The following TSPO2 variants were observed in gnomAD, a reference collection of about 807,000 sequenced individuals.
TSPO2 encodes benzodiazapine receptor (peripheral)-like 1.
A neutral mutation model predicts 13.3 loss-of-function variants in TSPO2; 15 were observed. The ratio of observed to expected loss-of-function variants is 1.13; its 90% CI spans 0.75 to 1.73. The LOEUF (loss-of-function observed/expected upper bound fraction) is 1.73, where lower values mean the gene tolerates loss of function less well. Ranked by LOEUF, TSPO2 falls within the 40% of genes most tolerant of loss-of-function variation. The pLI, the probability that TSPO2 is intolerant of heterozygous loss-of-function variation, is 0.00. For missense variants in TSPO2, 202 were observed against 198.3 expected (o/e 1.02, Z -0.11); for synonymous variants, 81 against 91.6 (o/e 0.88, Z 0.66).
At chr6:41,041,872 G>C (rs1762593267), upstream of TSPO2, among the ~76,000 whole-genome samples, 1 of 152,174 alleles carries the variant, frequency 6.6e-6, no homozygotes, top group South Asian at 2.1e-4. Context: ...CTACTAGGGA[G>C]GCTGAGACAG....
chr6:41,044,211 G>T lies in TSPO2; in HGVS notation c.*74G>T. ...TCTGCAAGCAGGGCTGTGGAGTTAG[G>T]GTTCACCCCAATGGGACCACCCTCC... On this transcript the variant is annotated 3_prime_UTR_variant, in exon 4 of 4. Transcript: ENST00000373161. 1 of 1,536,870 alleles carries T rather than the reference G, an allele frequency of 6.5e-7. No homozygotes were observed. The highest frequency in any genetic ancestry group is 8.9e-7 in the Non-Finnish European group (1 of 1,118,528).
In TSPO2 at chr6:41,043,919, A is replaced by AC. The variant is rs199825098; in HGVS notation, c.316-16dup. The AC allele has an allele frequency of 3.4e-3, 5,409 of 1,607,124 alleles. 122 individuals are homozygous for AC. In the African/African-American group the frequency reaches 0.055, roughly 16 times the overall value. On this transcript the variant is annotated intron_variant, in intron 3 of 3. Coordinates refer to ENST00000373161, the MANE Select transcript of TSPO2 (RefSeq NM_001010873.3). ...GTGCTGGTTCTCGGGCAGCCAGCTG[A>AC]CCCCCGGCCTCTATGCCCAGGCCCT...
rs1238848244 is a variant in TSPO2, at chr6:41,043,921, C to T, written c.316-19C>T. 2 of 1,608,792 alleles carry T rather than the reference C, an allele frequency of 1.2e-6. No homozygotes were observed. Among genetic ancestry groups the T allele is most frequent in the Non-Finnish European group, 1.7e-6 (2 of 1,177,968 alleles). On this transcript the variant is annotated intron_variant, in intron 3 of 3. Coordinates refer to ENST00000373161, the MANE Select transcript of TSPO2 (RefSeq NM_001010873.3). ...GCTGGTTCTCGGGCAGCCAGCTGAC[C>T]CCCGGCCTCTATGCCCAGGCCCTGC...
chr6:41,043,838 C>A, intron 3 of TSPO2, 102 bp from the exon 4 acceptor site: 1 of 1,528,116 alleles, frequency 6.5e-7, no homozygotes, highest in Non-Finnish European at 8.9e-7. Context: ...CCATGGTGTG[C>A]ACAGAGCCCC....
At chr6:41,043,526 A>G (rs745516798) in intron 2 of TSPO2, 31 bp from the exon 3 acceptor site, 3 of 1,548,246 alleles carry the variant, frequency 1.9e-6, no homozygotes, top group Non-Finnish European at 2.6e-6. Context: ...ACCTCCTCCC[A>G]CTGAATGTTT....
At position 41,044,182 on chromosome 6, in the gene TSPO2, A is replaced by G; in HGVS notation, c.*45A>G. 1 of 1,602,904 alleles carries G rather than the reference A, an allele frequency of 6.2e-7. No individual in the cohort carries two copies. Among genetic ancestry groups the G allele is most frequent in the South Asian group, 1.1e-5 (1 of 90,250 alleles). On this transcript the variant is annotated 3_prime_UTR_variant, in exon 4 of 4. Coordinates refer to ENST00000373161, the MANE Select transcript of TSPO2 (RefSeq NM_001010873.3). ...GGAGGGACGCCCAGGGTGGGGAGGAAGAGTCTGCAAGCAGGGCTGTGGAGT... is the reference window on the plus strand; with the variant it reads ...GGAGGGACGCCCAGGGTGGGGAGGAGGAGTCTGCAAGCAGGGCTGTGGAGT...
In TSPO2 at chr6:41,043,063, CAT is replaced by C. The variant is rs775297503; in HGVS notation, c.79_80del (p.Met27ValfsTer5). 1.1e-5 allele frequency: 18 copies of C among 1,614,164 alleles called. No homozygotes were observed. Among genetic ancestry groups the C allele is most frequent in the East Asian group, 8.9e-5 (4 of 44,874 alleles). On this transcript the variant is annotated frameshift_variant, in exon 2 of 4. Transcript: ENST00000373161. LOFTEE classifies it high-confidence loss of function. ...ILVWLFTRDH[M>X]SGWCEGPRML... is the part of the protein sequence containing the mutation. ...TGGTCTGGCTGTTCACTCGTGATCA[CAT>C]GTCTGGTTGGTGTGAGGGCCCGAGG...
chr6:41,043,842 G>T, intron 3 of TSPO2, 98 bp from the exon 4 acceptor site: 4 of 1,532,592 alleles, frequency 2.6e-6, no homozygotes, highest in South Asian at 2.3e-5. Context: ...GGTGTGCACA[G>T]AGCCCCAGGG....
Position 41,044,178 on chromosome 6 carries a change from AG to A in TSPO2, c.*43del. 2 of 1,607,134 alleles carry A rather than the reference AG, an allele frequency of 1.2e-6. No individual in the cohort carries two copies. The highest frequency in any genetic ancestry group is 1.7e-6 in the Non-Finnish European group (2 of 1,174,606). ...GAGAGGAGGGACGCCCAGGGTGGGG[AG>A]GAAGAGTCTGCAAGCAGGGCTGTGG... On this transcript the variant is annotated 3_prime_UTR_variant, in exon 4 of 4. Transcript: ENST00000373161.
In TSPO2 at chr6:41,043,953, T is replaced by C; in HGVS notation, c.329T>C (p.Leu110Pro). The change falls in exon 4 of 4, where the codon CTG becomes CCG. Residue 110 changes from leucine (L) to proline (P), a missense_variant. By Grantham distance (98) the Leu-to-Pro change is moderately conservative. Transcript: ENST00000373161. Reference sequence around the variant, plus strand: ...CTCTATGCCCAGGCCCTGCTGCACCTGCTGCTGCTGTATGGGCTGGTGGTG... The same window carrying C: ...CTCTATGCCCAGGCCCTGCTGCACCCGCTGCTGCTGTATGGGCTGGTGGTG... ...VHNPGLALLH[L>P]LLLYGLVVST... 1 of 1,613,070 alleles carries C rather than the reference T, an allele frequency of 6.2e-7. No homozygotes were observed. The highest frequency in any genetic ancestry group is 8.5e-7 in the Non-Finnish European group (1 of 1,179,538).
Position 41,043,925 on chromosome 6 carries a change from G to C in TSPO2, c.316-15G>C, listed in dbSNP as rs371784812. ...GTTCTCGGGCAGCCAGCTGACCCCCGGCCTCTATGCCCAGGCCCTGCTGCA... is the reference window on the plus strand; with the variant it reads ...GTTCTCGGGCAGCCAGCTGACCCCCCGCCTCTATGCCCAGGCCCTGCTGCA... On this transcript the variant is annotated splice_polypyrimidine_tract_variant and intron_variant, in intron 3 of 3. Coordinates refer to ENST00000373161, the MANE Select transcript of TSPO2 (RefSeq NM_001010873.3). 26 of 1,610,000 alleles carry C rather than the reference G, an allele frequency of 1.6e-5. No individual in the cohort carries two copies. Among genetic ancestry groups the C allele is most frequent in the South Asian group, 2.2e-5 (2 of 90,458 alleles).
In TSPO2 at chr6:41,042,519, C is replaced by T; in HGVS notation, c.-280C>T. On this transcript the variant is annotated 5_prime_UTR_variant, in exon 1 of 4. Transcript: ENST00000373161. Reference sequence around the variant, plus strand: ...AAAGAGTCCCCAGGAATTTCTGGCTCCTGCCTTCAGATTGTGAACTTTCCA... The same window carrying T: ...AAAGAGTCCCCAGGAATTTCTGGCTTCTGCCTTCAGATTGTGAACTTTCCA... 2.9e-6 allele frequency: 1 copy of T among 347,444 alleles called. No individual in the cohort carries two copies. Among genetic ancestry groups the T allele is most frequent in the East Asian group, 7.4e-5 (1 of 13,506 alleles). 21.5% of individuals were successfully genotyped at this position (347,444 alleles called of 1,614,324 possible).
At chr6:41,043,349 A>G (rs1354332312) in intron 2 of TSPO2, among the ~76,000 whole-genome samples, 191 bp downstream of exon 2, 2 of 151,654 alleles carry the variant, frequency 1.3e-5, no homozygotes, top group East Asian at 3.9e-4. Flanking sequence ...CCCTTCTTCC[A>G]CCCTCTCTAA....
chr6:41,041,657 C>A (rs1470765652), upstream of TSPO2, among the ~76,000 whole-genome samples: 1 of 150,460 alleles, frequency 6.6e-6, no homozygotes, highest in Non-Finnish European at 1.5e-5. Context: ...CCTCCAGGAC[C>A]AGTGTCCCTG....
In TSPO2 at chr6:41,043,037, C is replaced by G. The variant is rs145309402; in HGVS notation, c.52C>G (p.Leu18Val). Residue 18 changes from leucine to valine, a missense_variant, in exon 2 of 4, where the codon CTG becomes GTG. Coordinates refer to ENST00000373161, the MANE Select transcript of TSPO2 (RefSeq NM_001010873.3). ...FVLLPHLGPI[L>V]VWLFTRDHMS... ...GCTCCTGCCCCACCTGGGGCCCATC[C>G]TGGTCTGGCTGTTCACTCGTGATCA... 2 of 1,614,062 alleles carry G rather than the reference C, an allele frequency of 1.2e-6. No individual in the cohort carries two copies. Among genetic ancestry groups the G allele is most frequent in the African/African-American group, 2.7e-5 (2 of 74,922 alleles).
rs773486981 is a variant in TSPO2, at chr6:41,042,725, G to C, written c.-74G>C. On this transcript the variant is annotated 5_prime_UTR_variant, in exon 1 of 4. Transcript: ENST00000373161. ...CAGTGCTGGGCAGTGTCCTCCAAGT[G>C]CCAGAGGAGTGCTGTGGAGAAAAGA... 6.2e-6 allele frequency: 4 copies of C among 648,696 alleles called. No homozygotes were observed. The East Asian group carries it at 1.2e-4, about 20-fold the overall frequency. The allele number at this position is 648,696 out of a possible 1,614,324, so 40.2% of individuals were successfully genotyped here.
intron 2 of TSPO2, 88 bp from the exon 3 acceptor site, chr6:41,043,469 G>T: frequency 6.7e-7 from 1 of 1,483,180 alleles, no homozygotes; most frequent in Non-Finnish European, 9.1e-7. Context: ...GCCCACAAGG[G>T]TATCCAAGAG....
rs763858892 is a variant in TSPO2, at chr6:41,043,701, A to C, written c.315+3A>C. 1 of 1,595,538 alleles carries C rather than the reference A, an allele frequency of 6.3e-7. No individual in the cohort carries two copies. The highest frequency in any genetic ancestry group is 8.5e-7 in the Non-Finnish European group (1 of 1,170,034). On this transcript the variant is annotated splice_donor_region_variant and intron_variant, in intron 3 of 3. Transcript: ENST00000373161. ...TCACAGTCCACAACCCTGGTCTGGTAAGGCACACAGTGCTCAGTAGCAGAA... is the reference window on the plus strand; with the variant it reads ...TCACAGTCCACAACCCTGGTCTGGTCAGGCACACAGTGCTCAGTAGCAGAA...
rs147485285 is a variant in TSPO2 at position 41,043,636 on chromosome 6, G to C, written c.253G>C (p.Val85Leu). Reference sequence around the variant, plus strand: ...GGCCCTGCCTCTTGGCCTCTATGCTGTTCAGCTCACCATCAGCTGGACTGT... The same window carrying C: ...GGCCCTGCCTCTTGGCCTCTATGCTCTTCAGCTCACCATCAGCTGGACTGT... Reference protein sequence around the residue: ...PLALPLGLYAVQLTISWTVLV... With the variant: ...PLALPLGLYALQLTISWTVLV... The change falls in exon 3 of 4, where the codon GTT (valine) becomes CTT (leucine). Residue 85 changes from valine (V) to leucine (L), a missense_variant. Physicochemically the swap from Val to Leu is conservative, Grantham distance 32. Transcript: ENST00000373161. 2.3e-3 allele frequency: 3,690 copies of C among 1,613,520 alleles called. 10 individuals are homozygous for C. Among genetic ancestry groups the C allele is most frequent in the Middle Eastern group, 4.1e-3 (25 of 6,062 alleles).
Sources: allele counts gnomAD v4.1 joint callset (sites outside exome capture counted in the v4.1 genomes callset), GRCh38; gene constraint gnomAD v4.1.1; transcripts MANE v1.5; gene names NCBI Gene and HGNC (gene_info 2026-07-23, HGNC 2026-07-21).